Variants in DST observed in about 807,000 individuals in gnomAD.
DST encodes the protein dystonin, also known as bullous pemphigoid antigen.
DST carries 253 observed loss-of-function variants against 875.2 expected under a neutral mutation model. The ratio of observed to expected loss-of-function variants is 0.29; its 90% CI spans 0.26 to 0.32. The LOEUF is 0.32. DST is among the 10% of genes least tolerant of loss of function. The pLI, the probability that DST is intolerant of heterozygous loss-of-function variation, is 1.00. For missense variants in DST, 8,287 were observed against 9,111.6 expected (o/e 0.91, Z 3.68); for synonymous variants, 3,124 against 3,197.1 (o/e 0.98, Z 0.77).
chr6:56,485,509 A>G (rs1423784601), intron 87 of DST, 38 bp from the exon 88 acceptor site: 2 of 1,590,492 alleles, frequency 1.3e-6, no homozygotes, highest in Admixed American at 1.8e-5. Flanking sequence ...CTTGCAACAA[A>G]AAACGTCACT....
At position 56,557,429 on chromosome 6, in the gene DST, C is replaced by T. The variant is rs1443283116; in HGVS notation, c.14530G>A (p.Val4844Ile). The change falls in exon 59 of 104, where the codon GTA (valine) becomes ATA (isoleucine). Residue 4844 changes from valine to isoleucine, a missense_variant. Transcript: ENST00000680361. ...SSNNLTQFQTVEAQLKQWLVE... is the reference protein window; with the variant it reads ...SSNNLTQFQTIEAQLKQWLVE... ...AGCCACTGTTTCAATTGGGCCTCTA[C>T]AGTCTGGAACTGGGTTAGATTATTG... 6.2e-6 allele frequency: 10 copies of T among 1,613,612 alleles called. No homozygotes were observed. Among genetic ancestry groups the T allele is most frequent in the Non-Finnish European group, 8.5e-6 (10 of 1,179,720 alleles).
Position 56,625,174 on chromosome 6 carries a change from C to G in DST, c.4813G>C (p.Asp1605His). 1 of 1,611,750 alleles carries G rather than the reference C, an allele frequency of 6.2e-7. No individual in the cohort carries two copies. Among genetic ancestry groups the G allele is most frequent in the Admixed American group, 1.7e-5 (1 of 59,996 alleles). ...VKRRRMQSSA[D>H]LIIQEFMDLR... ...TTTATTACCTCTTGAATAATGAGAT[C>G]TGCTGAACTCTGCATTCTTCGGCGT... Residue 1605 changes from aspartate (D) to histidine (H), a missense_variant, in exon 35 of 104, where the codon GAT becomes CAT. This residue lies in a region of DST where 3,138 missense variants were observed against 3,116.6 expected (regional missense o/e 1.01). Coordinates refer to ENST00000680361, the MANE Select transcript of DST (RefSeq NM_001374736.1).
intron 4 of DST, among the ~76,000 whole-genome samples, chr6:56,832,944 G>A (rs1443320689): frequency 6.6e-6 from 1 of 152,130 alleles, no homozygotes. Flanking sequence ...TTCACATGTT[G>A]GCCAGGCTGG....
At position 56,607,808 on chromosome 6, in the gene DST, C is replaced by A. The variant is rs530448087; in HGVS notation, c.6820G>T (p.Ala2274Ser). The change falls in exon 40 of 104, where the codon GCT becomes TCT. Residue 2274 changes from alanine (A) to serine (S), a missense_variant. Physicochemically the swap from Ala to Ser is moderately conservative, Grantham distance 99 (BLOSUM62 1). Transcript: ENST00000680361. ...ASGREKDECT[A>S]TPSSFNKCHC... ...CATTTATTGAAACTACTTGGTGTAG[C>A]TGTACATTCATCCTTTTCTCTACCT... The A allele has an allele frequency of 1.9e-6, 3 of 1,613,440 alleles. No homozygotes were observed. In the African/African-American group the frequency reaches 4.0e-5, roughly 22 times the overall value.
At chr6:56,577,401 T>C (rs1027246049) in intron 50 of DST, among the ~76,000 whole-genome samples, 6 of 152,232 alleles carry the variant, frequency 3.9e-5, no homozygotes, top group Non-Finnish European at 8.8e-5. Context: ...CTTCCATTCA[T>C]ATTTTCATTT....
rs2098289560 is a variant in DST at position 56,592,218 on chromosome 6, G to T, written c.12867C>A (p.Asp4289Glu). The T allele has an allele frequency of 6.2e-7, 1 of 1,613,358 alleles. No homozygotes were observed. The highest frequency in any genetic ancestry group is 1.3e-5 in the African/African-American group (1 of 74,876). The change falls in exon 49 of 104, where the codon GAC becomes GAA. Residue 4289 changes from aspartate to glutamate, a missense_variant. By Grantham distance (45) the Asp-to-Glu change is conservative (BLOSUM62 2). Coordinates refer to ENST00000680361, the MANE Select transcript of DST (RefSeq NM_001374736.1). Reference protein sequence around the residue: ...SKHLSEPIAVDPKNLQRQLEE... With the variant: ...SKHLSEPIAVEPKNLQRQLEE... ...CTAATTGCCTTTGAAGATTTTTGGG[G>T]TCCACCGCAATAGGTTCAGATAAGT...
chr6:56,762,714 C>CA (rs201602222), intron 4 of DST, among the ~76,000 whole-genome samples: 1,876 of 152,250 alleles, frequency 0.012, 35 homozygotes, highest in African/African-American at 0.042. Flanking sequence ...TTTACCTCTA[C>CA]ACATATTTTT....
Position 56,471,238 on chromosome 6 carries a change from T to C in DST, c.22189A>G (p.Ile7397Val), listed in dbSNP as rs1465111768. ...LREFANFDFD[I>V]WRKKYMRWMN... ...CATCGCATGTATTTTTTGCGCCAGATATCAAAATCAAAGTTAGCAAATTCC... is the reference window on the plus strand; with the variant it reads ...CATCGCATGTATTTTTTGCGCCAGACATCAAAATCAAAGTTAGCAAATTCC... Residue 7397 changes from isoleucine to valine, a missense_variant, in exon 95 of 104, where the codon ATC becomes GTC. Coordinates refer to ENST00000680361, the MANE Select transcript of DST (RefSeq NM_001374736.1). The C allele has an allele frequency of 5.0e-6, 8 of 1,594,024 alleles. No individual in the cohort carries two copies. The East Asian group carries it at 1.6e-4, about 31-fold the overall frequency.
At position 56,504,096 on chromosome 6, in the gene DST, C is replaced by G. The variant is rs537585034; in HGVS notation, c.19467G>C (p.Ala6489=). The change falls in exon 78 of 104, where the codon GCG becomes GCC. Residue 6489 remains alanine, a splice_region_variant and synonymous_variant. Coordinates refer to ENST00000680361, the MANE Select transcript of DST (RefSeq NM_001374736.1). ...AAVQYQDGLQ[A]VFDWVDIAGG... ...CTGCAATATCTACCCAGTCAAATACCGCCTGAAAGACACATTCGCCCACGT... is the reference window on the plus strand; with the variant it reads ...CTGCAATATCTACCCAGTCAAATACGGCCTGAAAGACACATTCGCCCACGT... The G allele has an allele frequency of 6.9e-6, 11 of 1,604,410 alleles. No individual in the cohort carries two copies. In the South Asian group the frequency reaches 1.0e-4, roughly 15 times the overall value.
Position 56,951,078 on chromosome 6 carries a change from T to G in DST, c.216+2707A>C, listed in dbSNP as rs1661463473. Among the ~76,000 whole-genome samples, 6 of 152,190 alleles carry G rather than the reference T, an allele frequency of 3.9e-5. No individual in the cohort carries two copies. In the South Asian group the frequency reaches 1.0e-3, roughly 26 times the overall value. On this transcript the variant is annotated intron_variant, in intron 2 of 103. Coordinates refer to ENST00000680361, the MANE Select transcript of DST (RefSeq NM_001374736.1). Reference sequence around the variant, plus strand: ...TTTTCTCTAGGAGTATTTCTCTGACTACCTGAAAAGGAACCGGCTAAAACT... The same window carrying G: ...TTTTCTCTAGGAGTATTTCTCTGACGACCTGAAAAGGAACCGGCTAAAACT...
intron 50 of DST, among the ~76,000 whole-genome samples, chr6:56,578,165 GTT>G (rs1340362184): frequency 6.6e-6 from 1 of 152,100 alleles, no homozygotes; most frequent in Non-Finnish European, 1.5e-5. Context: ...AAGCCCAAGA[GTT>G]TGAGACTAGC....
rs139089184 is a variant in DST at position 56,557,498 on chromosome 6, T to G, written c.14461A>C (p.Asn4821His). 722 of 1,612,202 alleles carry G rather than the reference T, an allele frequency of 4.5e-4. 2 individuals are homozygous for G. In the African/African-American group the frequency reaches 8.6e-3, roughly 19 times the overall value. Residue 4821 changes from asparagine to histidine, a missense_variant, in exon 59 of 104, where the codon AAT (asparagine) becomes CAT (histidine). By Grantham distance (68) the Asn-to-His change is moderately conservative. Transcript: ENST00000680361. Reference sequence around the variant, plus strand: ...TGTTGTCTATCAATTGTTAATTGATTGAGTTCTTGCCACTTAGAATCTAAA... The same window carrying G: ...TGTTGTCTATCAATTGTTAATTGATGGAGTTCTTGCCACTTAGAATCTAAA... ...TEIDSKWQELNQLTIDRQQKL... is the reference protein window; with the variant it reads ...TEIDSKWQELHQLTIDRQQKL...
At chr6:56,843,609 C>A in intron 4 of DST, 1 of 983,926 alleles carries the variant, frequency 1.0e-6, no homozygotes, top group Non-Finnish European at 1.2e-6. Flanking sequence ...GGAGGACCGG[C>A]GCGCTGCCTT....
Position 56,714,853 on chromosome 6 carries a change from C to CCTA in DST, c.688-10485_688-10484insTAG, listed in dbSNP as rs1563826130. Among the ~76,000 whole-genome samples, 2 of 152,196 alleles carry CCTA rather than the reference C, an allele frequency of 1.3e-5. No individual in the cohort carries two copies. The highest frequency in any genetic ancestry group is 4.8e-5 in the African/African-American group (2 of 41,446). ...CTTTTCCTACTAGGTCAAATTCTAA[C>CCTA]GTCATCCAGGCAGTGATGGTTTCCT... On this transcript the variant is annotated intron_variant, in intron 5 of 103. Transcript: ENST00000680361. This position sits in a 1 kb window ranked among gnomAD's most constrained non-coding sequence, Gnocchi z 4.5.
intron 37 of DST, among the ~76,000 whole-genome samples, chr6:56,612,339 C>G (rs527896516): frequency 1.3e-5 from 2 of 152,014 alleles, no homozygotes; most frequent in African/African-American, 4.8e-5. Flanking sequence ...ACTGCACTCC[C>G]ACATGGGCGA....
At chr6:56,542,196 C>T (rs1343423483) in intron 61 of DST, among the ~76,000 whole-genome samples, 3 of 151,014 alleles carry the variant, frequency 2.0e-5, no homozygotes, top group Non-Finnish European at 4.4e-5. Flanking sequence ...TTAAGTCTAA[C>T]GTTATGAGAA....
chr6:56,578,941 T>C lies in DST; in HGVS notation c.12904-4A>G, dbSNP rs761741601. The C allele has an allele frequency of 1.9e-6, 3 of 1,586,026 alleles. No individual in the cohort carries two copies. The highest frequency in any genetic ancestry group is 2.6e-6 in the Non-Finnish European group (3 of 1,164,664). On this transcript the variant is annotated splice_polypyrimidine_tract_variant and splice_region_variant and intron_variant, in intron 49 of 103. Transcript: ENST00000680361. ...TTGATATCTGTCCTTGCAAAGCCTGTAGGATTAAACGCTTTTCAATTATAC... is the reference window on the plus strand; with the variant it reads ...TTGATATCTGTCCTTGCAAAGCCTGCAGGATTAAACGCTTTTCAATTATAC...
Position 56,598,402 on chromosome 6 carries a change from G to C in DST, c.11928+74C>G, listed in dbSNP as rs989775515. The C allele has an allele frequency of 4.6e-6, 4 of 872,970 alleles. No individual in the cohort carries two copies. The African/African-American group carries it at 6.9e-5, about 15-fold the overall frequency. The allele number at this position is 872,970 out of a possible 1,614,324, so 54.1% of individuals were successfully genotyped here. The stretch of plus-strand genomic sequence containing the variant: ...TGATAATCCTTATTTACTACCACTG[G>C]ATATTAATAATAAATCAAGTAGCTG... On this transcript the variant is annotated intron_variant, in intron 46 of 103. Coordinates refer to ENST00000680361, the MANE Select transcript of DST (RefSeq NM_001374736.1).
intron 49 of DST, among the ~76,000 whole-genome samples, chr6:56,584,451 G>A (rs894499355): frequency 4.6e-4 from 69 of 151,544 alleles, no homozygotes; most frequent in African/African-American, 1.5e-3. Flanking sequence ...TTTGTATCCT[G>A]AGACTTTGCT....
Sources: allele counts gnomAD v4.1 joint callset (sites outside exome capture counted in the v4.1 genomes callset), GRCh38; gene constraint gnomAD v4.1.1; regional missense constraint gnomAD v4.1.1; non-coding constraint Gnocchi (gnomAD v3.1); transcripts MANE v1.5; gene names NCBI Gene and HGNC (gene_info 2026-07-23, HGNC 2026-07-21).